The following SUCLG2 variants were observed in gnomAD, a reference collection of about 807,000 sequenced individuals.
SUCLG2 encodes the protein succinate--CoA ligase [GDP-forming] subunit beta, mitochondrial.
In SUCLG2, 42 loss-of-function variants were observed where a neutral mutation model predicts 47.9. The ratio of observed to expected loss-of-function variants is 0.88; its 90% CI spans 0.69 to 1.14. The LOEUF (loss-of-function observed/expected upper bound fraction) is 1.14, where lower values mean the gene tolerates loss of function less well. Ranked by LOEUF, SUCLG2 falls within the 50% of genes most tolerant of loss-of-function variation. The pLI, the probability that SUCLG2 is intolerant of heterozygous loss-of-function variation, is 0.00. For missense variants in SUCLG2, 571 were observed against 525.9 expected, an observed-to-expected ratio of 1.09 and a Z score of -0.84; for synonymous variants, 195 against 197.3, an observed-to-expected ratio of 0.99 and a Z score of 0.10.
chr3:67,497,650 A>T (rs565411029), intron 8 of SUCLG2, among the ~76,000 whole-genome samples: 1 of 152,312 alleles, frequency 6.6e-6, no homozygotes, highest in South Asian at 2.1e-4. Flanking sequence ...ATTTCAGAAG[A>T]GTTCTGCATA....
chr3:67,388,914 G>A (rs1177500649), intron 10 of SUCLG2, among the ~76,000 whole-genome samples: 1 of 152,142 alleles, frequency 6.6e-6, no homozygotes, highest in Non-Finnish European at 1.5e-5. Flanking sequence ...AGTGGGTAGA[G>A]GATCAGAAGT....
intron 10 of SUCLG2, among the ~76,000 whole-genome samples, chr3:67,382,274 C>T (rs949638995): frequency 2.6e-5 from 4 of 152,212 alleles, no homozygotes; most frequent in African/African-American, 9.6e-5. Flanking sequence ...AACAAAAACA[C>T]TGGGAGGCTT....
At chr3:67,576,554 CA>C (rs1434650508) in intron 2 of SUCLG2, among the ~76,000 whole-genome samples, 1 of 152,156 alleles carries the variant, frequency 6.6e-6, no homozygotes, top group African/African-American at 2.4e-5. Context: ...ATTTCCAGAG[CA>C]ATCTTGAAGA....
intron 2 of SUCLG2, among the ~76,000 whole-genome samples, chr3:67,538,890 A>AT (rs1048749239): frequency 3.9e-5 from 6 of 152,084 alleles, no homozygotes; most frequent in African/African-American, 1.4e-4. Flanking sequence ...AATGCTTGTG[A>AT]TTTTTGCACA....
At chr3:67,626,790 T>C (rs1303801492) in intron 1 of SUCLG2, among the ~76,000 whole-genome samples, 2 of 151,682 alleles carry the variant, frequency 1.3e-5, no homozygotes, top group Non-Finnish European at 2.9e-5. Context: ...GGCGGGCACC[T>C]GTAGTCCCAG....
At chr3:67,459,297 T>C (rs1704268370) in intron 9 of SUCLG2, among the ~76,000 whole-genome samples, 1 of 152,204 alleles carries the variant, frequency 6.6e-6, no homozygotes, top group Non-Finnish European at 1.5e-5. Flanking sequence ...CTCTATGACC[T>C]TTCTGGAGTC....
intron 2 of SUCLG2, among the ~76,000 whole-genome samples, chr3:67,596,416 A>G (rs888403185): frequency 6.6e-6 from 1 of 152,228 alleles, no homozygotes; most frequent in African/African-American, 2.4e-5. Flanking sequence ...TGGGTCAGAA[A>G]AAAACTCTGT....
At position 67,499,754 on chromosome 3, in the gene SUCLG2, CAG is replaced by C. The variant is rs1705447040; in HGVS notation, c.758-1461_758-1460del. Among the ~76,000 whole-genome samples, 5 of 150,592 alleles carry C rather than the reference CAG, an allele frequency of 3.3e-5. No homozygotes were observed. The South Asian group carries it at 1.0e-3, about 31-fold the overall frequency. ...TTTATTTATTTATTTATTTCGGAGA[CAG>C]AGTCTCACTCTGCTGCCCAGGCTGG... On this transcript the variant is annotated intron_variant, in intron 7 of 10. Coordinates refer to ENST00000307227, the MANE Select transcript of SUCLG2 (RefSeq NM_003848.4).
chr3:67,466,325 C>T (rs1161944866), intron 9 of SUCLG2, among the ~76,000 whole-genome samples: 1 of 152,098 alleles, frequency 6.6e-6, no homozygotes, highest in African/African-American at 2.4e-5. Context: ...TGCACTCCAG[C>T]CTAGGTGAGA....
intron 2 of SUCLG2, among the ~76,000 whole-genome samples, chr3:67,540,664 C>A (rs960333109): frequency 1.3e-5 from 2 of 152,220 alleles, no homozygotes; most frequent in Non-Finnish European, 2.9e-5. Flanking sequence ...CTGAATAGAG[C>A]AGTGGATCTC....
At chr3:67,422,773 T>C (rs1703199114) in intron 9 of SUCLG2, among the ~76,000 whole-genome samples, 1 of 152,130 alleles carries the variant, frequency 6.6e-6, no homozygotes, top group South Asian at 2.1e-4. Flanking sequence ...GGACTTTTTA[T>C]TGTCTGTGCA....
rs144410462 is a variant in SUCLG2, at chr3:67,486,831, G to A, written c.1062+8967C>T. Among the ~76,000 whole-genome samples, 3 of 152,310 alleles carry A rather than the reference G, an allele frequency of 2.0e-5. No homozygotes were observed. In the East Asian group the frequency reaches 5.8e-4, roughly 29 times the overall value. On this transcript the variant is annotated intron_variant, in intron 9 of 10. Transcript: ENST00000307227. ...GTATGAAAGCTGAAACAAGAAGGCA[G>A]AGGATTGCCTTTTTGATCTCATTTG...
chr3:67,578,549 C>G (rs1484295213), intron 2 of SUCLG2, among the ~76,000 whole-genome samples: 1 of 151,888 alleles, frequency 6.6e-6, no homozygotes, highest in Non-Finnish European at 1.5e-5. Context: ...AGAGAGGGGA[C>G]AGGGCAATGA....
intron 1 of SUCLG2, among the ~76,000 whole-genome samples, chr3:67,609,980 T>C (rs147697373): frequency 6.6e-6 from 1 of 152,326 alleles, no homozygotes; most frequent in Non-Finnish European, 1.5e-5. Context: ...GCAACTTCCT[T>C]TGAGTCTACA....
chr3:67,495,731 A>G, intron 9 of SUCLG2, 67 bp downstream of exon 9: 3 of 1,585,268 alleles, frequency 1.9e-6, no homozygotes, highest in Non-Finnish European at 2.6e-6. Context: ...ACCAGGAAGA[A>G]CAAGTGAGCT....
chr3:67,408,005 A>AG (rs1230280570), intron 9 of SUCLG2, among the ~76,000 whole-genome samples: 1 of 152,148 alleles, frequency 6.6e-6, no homozygotes, highest in Non-Finnish European at 1.5e-5. Flanking sequence ...GCTAAATTAG[A>AG]GGGGAGTCTA....
At chr3:67,528,393 A>G (rs917897898) in intron 3 of SUCLG2, among the ~76,000 whole-genome samples, 171 bp from the exon 4 acceptor site, 2 of 152,244 alleles carry the variant, frequency 1.3e-5, no homozygotes, top group Non-Finnish European at 2.9e-5. Context: ...CTAGAGGCTC[A>G]CTGAGAGCAA....
At chr3:67,527,999 A>G (rs974913174) in intron 4 of SUCLG2, 133 bp downstream of exon 4, 11 of 714,530 alleles carry the variant, frequency 1.5e-5, no homozygotes, top group Middle Eastern at 4.1e-4. Context: ...AACAGATTAG[A>G]TGAGCTTTAA....
At chr3:67,491,361 C>CTTTTTT (rs549763218) in intron 9 of SUCLG2, among the ~76,000 whole-genome samples, 1 of 125,854 alleles carries the variant, frequency 7.9e-6, no homozygotes, top group African/African-American at 3.1e-5. Context: ...TTTTCTTTTA[C>CTTTTTT]TTTTTTTTTT....
Sources: gnomAD v4.1 joint callset for allele counts (sites outside exome capture counted in the v4.1 genomes callset) on GRCh38, gnomAD v4.1.1 for gene constraint, MANE v1.5 for transcripts, NCBI Gene and HGNC (gene_info 2026-07-23, HGNC 2026-07-21) for gene names.